Variants in KCNB2 observed in about 807,000 individuals in gnomAD.
KCNB2 encodes delayed rectifier potassium channel protein.
A neutral mutation model predicts 61.5 loss-of-function variants in KCNB2; 15 were observed. The ratio of observed to expected loss-of-function variants is 0.24; its 90% confidence interval spans 0.16 to 0.38. The LOEUF (loss-of-function observed/expected upper bound fraction) is 0.38, where lower values mean the gene tolerates loss of function less well. Ranked by LOEUF, KCNB2 falls within the 10% of genes least tolerant of loss-of-function variation. KCNB2 has a pLI of 1.00. For synonymous variants in KCNB2, 457 were observed against 446.0 expected, an observed-to-expected ratio of 1.02 and a Z score of -0.31; for missense variants, 828 against 1,125.2, an observed-to-expected ratio of 0.74 and a Z score of 3.78.
intron 2 of KCNB2, among the ~76,000 whole-genome samples, chr8:72,902,188 G>T (rs912677147): frequency 1.3e-5 from 2 of 152,058 alleles, no homozygotes; most frequent in East Asian, 1.9e-4. Context: ...CATAGACAAG[G>T]GTGTAATGAA....
In KCNB2 at chr8:72,827,961, T is replaced by C. The variant is rs1809625012; in HGVS notation, c.580-107974T>C. Among the ~76,000 whole-genome samples, 6 of 152,160 alleles carry C rather than the reference T, an allele frequency of 3.9e-5. No individual in the cohort carries two copies. The South Asian group carries it at 1.2e-3, about 32-fold the overall frequency. On this transcript the variant is annotated intron_variant, in intron 2 of 2. Transcript: ENST00000523207. ...CTGAGTAGCTGGGATTACAGGTGCCTGCCACCATGCCCAGCTAATTTTTGT... is the reference window on the plus strand; with the variant it reads ...CTGAGTAGCTGGGATTACAGGTGCCCGCCACCATGCCCAGCTAATTTTTGT...
chr8:72,838,383 A>G (rs1809819262), intron 2 of KCNB2, among the ~76,000 whole-genome samples: 1 of 152,008 alleles, frequency 6.6e-6, no homozygotes, highest in African/African-American at 2.4e-5. Context: ...TGTCCTTGTG[A>G]TAGTTTGCTG....
intron 2 of KCNB2, among the ~76,000 whole-genome samples, chr8:72,841,157 G>A (rs895353318): frequency 6.6e-6 from 1 of 152,006 alleles, no homozygotes; most frequent in Non-Finnish European, 1.5e-5. Context: ...TTATTAAATG[G>A]GGAATCTTTT....
intron 1 of KCNB2, among the ~76,000 whole-genome samples, chr8:72,564,856 T>G (rs1331514274): frequency 6.6e-6 from 1 of 152,158 alleles, no homozygotes; most frequent in Non-Finnish European, 1.5e-5. Flanking sequence ...TAATAGACAC[T>G]AATATAGCTT....
intron 2 of KCNB2, chr8:72,731,989 G>A (rs143505139): frequency 3.3e-5 from 5 of 152,244 alleles, no homozygotes; most frequent in South Asian, 2.1e-4. Flanking sequence ...AATCTTTGTA[G>A]AATAGAAAAG....
At chr8:72,786,523 G>C (rs933284089) in intron 2 of KCNB2, among the ~76,000 whole-genome samples, 1 of 152,124 alleles carries the variant, frequency 6.6e-6, no homozygotes, top group Non-Finnish European at 1.5e-5. Context: ...GGAACTGCAG[G>C]ATTTTCCATG....
intron 2 of KCNB2, among the ~76,000 whole-genome samples, chr8:72,905,753 A>G (rs997131389): frequency 1.3e-5 from 2 of 152,160 alleles, no homozygotes; most frequent in Non-Finnish European, 2.9e-5. Flanking sequence ...GTGTTTTCCA[A>G]AAGCCTGACT....
intron 2 of KCNB2, among the ~76,000 whole-genome samples, chr8:72,802,070 C>T (rs539473830): frequency 9.2e-5 from 14 of 152,192 alleles, no homozygotes; most frequent in Non-Finnish European, 1.5e-4. Flanking sequence ...ATTCCTCCTA[C>T]CTAATTCATC....
intron 2 of KCNB2, among the ~76,000 whole-genome samples, chr8:72,736,288 A>T (rs1333364367): frequency 1.3e-5 from 2 of 152,136 alleles, no homozygotes; most frequent in African/African-American, 4.8e-5. Context: ...AAAGCTTGAA[A>T]TCTAAAATAT....
Position 72,715,726 on chromosome 8 carries a change from A to G in KCNB2, c.579+147413A>G, listed in dbSNP as rs1274193676. Among the ~76,000 whole-genome samples the G allele has an allele frequency of 2.6e-5, 4 of 152,230 alleles. No homozygotes were observed. The East Asian group carries it at 5.8e-4, about 22-fold the overall frequency. On this transcript the variant is annotated intron_variant, in intron 2 of 2. Coordinates refer to ENST00000523207, the MANE Select transcript of KCNB2 (RefSeq NM_004770.3). ...AGAAAGCAGGAAAGATCTAAAATTG[A>G]CATCCTAACATCACAATTAAAAGAA...
intron 2 of KCNB2, among the ~76,000 whole-genome samples, chr8:72,730,468 G>A (rs1807722647): frequency 6.6e-6 from 1 of 152,186 alleles, no homozygotes; most frequent in Non-Finnish European, 1.5e-5. Flanking sequence ...TATACCTGTT[G>A]TGATTTGCCT....
intron 2 of KCNB2, among the ~76,000 whole-genome samples, chr8:72,747,222 G>A (rs970667945): frequency 6.6e-6 from 1 of 152,150 alleles, no homozygotes; most frequent in African/African-American, 2.4e-5. Flanking sequence ...CCAAAGGAAC[G>A]GGCAAGGCAG....
chr8:72,674,141 T>G (rs1366867850), intron 2 of KCNB2, among the ~76,000 whole-genome samples: 1 of 152,210 alleles, frequency 6.6e-6, no homozygotes, highest in Non-Finnish European at 1.5e-5. Context: ...TAAAGTCAGA[T>G]GCATAACTCT....
intron 2 of KCNB2, among the ~76,000 whole-genome samples, chr8:72,638,557 T>A (rs1220039710): frequency 6.6e-6 from 1 of 152,174 alleles, no homozygotes; most frequent in Non-Finnish European, 1.5e-5. Context: ...TATAGTTTTC[T>A]TGTATAAGAC....
In KCNB2 at chr8:72,544,951, T is replaced by C. The variant is rs111555384; in HGVS notation, c.-94+7066T>C. Among the ~76,000 whole-genome samples, 891 of 152,270 alleles carry C rather than the reference T, an allele frequency of 5.9e-3. 8 individuals carry two copies. Among genetic ancestry groups the C allele is most frequent in the African/African-American group, 0.02 (844 of 41,562 alleles). On this transcript the variant is annotated intron_variant, in intron 1 of 2. Transcript: ENST00000523207. ...TGTTGATGAGATAGTCACATTGCTC[T>C]GTCAGTATGCAAAGAGGGCTGGAGT...
chr8:72,663,638 A>G (rs1215239876), intron 2 of KCNB2, among the ~76,000 whole-genome samples: 1 of 152,178 alleles, frequency 6.6e-6, no homozygotes, highest in Non-Finnish European at 1.5e-5. Context: ...TAAAAGTTTG[A>G]CTGCTGTCTG....
chr8:72,657,167 C>A (rs770839281), intron 2 of KCNB2, among the ~76,000 whole-genome samples: 17 of 152,098 alleles, frequency 1.1e-4, no homozygotes, highest in Admixed American at 8.5e-4. Context: ...AGTTACTACT[C>A]CACAAACCCA....
Position 72,645,035 on chromosome 8 carries a change from T to C in KCNB2, c.579+76722T>C, listed in dbSNP as rs572177267. Among the ~76,000 whole-genome samples the C allele has an allele frequency of 5.3e-5, 8 of 152,228 alleles. 1 individual carries two copies. The East Asian group carries it at 1.5e-3, about 29-fold the overall frequency. ...CAGAGTTTCCTATACAATCATCTTT[T>C]TAGAAATTAGAAACATTATATTTGT... On this transcript the variant is annotated intron_variant, in intron 2 of 2. Coordinates refer to ENST00000523207, the MANE Select transcript of KCNB2 (RefSeq NM_004770.3).
Position 72,936,885 on chromosome 8 carries a change from T to C in KCNB2, c.1530T>C (p.Asn510=). The change falls in exon 3 of 3, where the codon AAT becomes AAC. Residue 510 remains asparagine (N), a synonymous_variant. Transcript: ENST00000523207. The surrounding 1 kb of genome is among the most constrained non-coding windows in gnomAD (Gnocchi z 5.6). ...SETSSNKSFE[N]KYQEVSQKDS... is the part of the protein sequence containing the mutation. ...CAAGCTCCAACAAGTCTTTCGAGAA[T>C]AAGTACCAGGAGGTTAGCCAAAAAG... The C allele has an allele frequency of 6.2e-7, 1 of 1,614,030 alleles. No individual in the cohort carries two copies. The highest frequency in any genetic ancestry group is 8.5e-7 in the Non-Finnish European group (1 of 1,179,994).
Sources: gnomAD v4.1 joint callset for allele counts (sites outside exome capture counted in the v4.1 genomes callset) on GRCh38, gnomAD v4.1.1 for gene constraint, Gnocchi (gnomAD v3.1) non-coding constraint, MANE v1.5 for transcripts, NCBI Gene and HGNC (gene_info 2026-07-23, HGNC 2026-07-21) for gene names.